The following NIPBL variants were observed in gnomAD, a reference collection of about 807,000 sequenced individuals.
The protein encoded by NIPBL is nipped-B-like protein.
A neutral mutation model predicts 321.8 loss-of-function variants in NIPBL; 19 were observed. The ratio of observed to expected loss-of-function variants is 0.06; its 90% CI spans 0.04 to 0.09. The LOEUF is 0.09. Ranked by LOEUF, NIPBL falls within the 10% of genes least tolerant of loss-of-function variation. The pLI, the probability that NIPBL is intolerant of heterozygous loss-of-function variation, is 1.00. For synonymous variants in NIPBL, 1,106 were observed against 1,114.1 expected, an observed-to-expected ratio of 0.99 and a Z score of 0.14; for missense variants, 2,210 against 3,327.0, an observed-to-expected ratio of 0.66 and a Z score of 8.26.
At position 36,985,504 on chromosome 5, in the gene NIPBL, A is replaced by G; in HGVS notation, c.2324A>G (p.Lys775Arg). The part of the protein sequence containing the change: ...RRDSGKPSTE[K>R]KPEVSKHKQD... The stretch of plus-strand genomic sequence containing the variant: ...GATTCTGGAAAGCCATCTACAGAGA[A>G]AAAACCTGAAGTGTCTAAACATAAA... Residue 775 changes from lysine (K) to arginine (R), a missense_variant, in exon 10 of 47, where the codon AAA (lysine) becomes AGA (arginine). This residue lies in a region of NIPBL where 588 missense variants were observed against 564.1 expected (regional missense o/e 1.04). Transcript: ENST00000282516. 2 of 1,613,698 alleles carry G rather than the reference A, an allele frequency of 1.2e-6. No individual in the cohort carries two copies.
chr5:36,949,536 A>G (rs541312138), intron 1 of NIPBL, among the ~76,000 whole-genome samples: 1 of 152,058 alleles, frequency 6.6e-6, no homozygotes, highest in South Asian at 2.1e-4. Flanking sequence ...GTAAGTGCTG[A>G]GCAAACATGA....
At chr5:36,987,744 T>C (rs1744992930) in intron 10 of NIPBL, among the ~76,000 whole-genome samples, 2 of 152,304 alleles carry the variant, frequency 1.3e-5, no homozygotes, top group South Asian at 2.1e-4. Flanking sequence ...TTTTAAATTA[T>C]GGCAATTAGA....
intron 6 of NIPBL, among the ~76,000 whole-genome samples, chr5:36,970,413 A>ATC (rs1742724580): frequency 6.9e-6 from 1 of 144,514 alleles, no homozygotes; most frequent in Non-Finnish European, 1.5e-5. Context: ...ATTTAAAACT[A>ATC]TATATATATA....
intron 1 of NIPBL, among the ~76,000 whole-genome samples, chr5:36,910,733 G>A (rs1448424066): frequency 1.3e-5 from 2 of 152,062 alleles, no homozygotes; most frequent in African/African-American, 4.8e-5. Flanking sequence ...GGAGATATAG[G>A]AGCTGATACT....
At chr5:37,044,831 G>T in intron 36 of NIPBL, 102 bp downstream of exon 36, 1 of 820,590 alleles carries the variant, frequency 1.2e-6, no homozygotes, top group Middle Eastern at 2.5e-4. Flanking sequence ...AGGAAATTAT[G>T]AGGTGTGATT....
At chr5:36,955,028 A>G (rs148854375) in intron 2 of NIPBL, 404 of 161,294 alleles carry the variant, frequency 2.5e-3, no homozygotes, top group African/African-American at 9.3e-3. Context: ...ATTTATTTGT[A>G]TATTCTTAAG....
intron 46 of NIPBL, 65 bp downstream of exon 46, chr5:37,064,043 T>A: frequency 6.3e-7 from 1 of 1,578,630 alleles, no homozygotes; most frequent in Non-Finnish European, 8.6e-7. Context: ...TATGTGCTTA[T>A]ATATGTCAGT....
chr5:37,010,464 C>T (rs1482643349), intron 21 of NIPBL, among the ~76,000 whole-genome samples: 1 of 152,110 alleles, frequency 6.6e-6, no homozygotes, highest in African/African-American at 2.4e-5. Context: ...TACAGGCACG[C>T]ACCACCACGC....
At chr5:36,882,433 A>G (rs570507967) in intron 1 of NIPBL, among the ~76,000 whole-genome samples, 5 of 152,074 alleles carry the variant, frequency 3.3e-5, no homozygotes, top group Non-Finnish European at 5.9e-5. Context: ...AAACTGAGAT[A>G]TAGAATGATT....
intron 34 of NIPBL, among the ~76,000 whole-genome samples, chr5:37,040,450 G>C: frequency 6.6e-6 from 1 of 151,928 alleles, no homozygotes; most frequent in Non-Finnish European, 1.5e-5. Context: ...ATGGTTGACC[G>C]GGTTTTGTAA....
At chr5:37,026,386 C>A in intron 31 of NIPBL, 59 bp downstream of exon 31, 2 of 915,310 alleles carry the variant, frequency 2.2e-6, no homozygotes, top group South Asian at 1.3e-5. Flanking sequence ...TTGAGGCCTA[C>A]ATGTCTTATG....
At position 36,962,190 on chromosome 5, in the gene NIPBL, A is replaced by G; in HGVS notation, c.526A>G (p.Ser176Gly). 6.2e-7 allele frequency: 1 copy of G among 1,614,110 alleles called. No homozygotes were observed. Among genetic ancestry groups the G allele is most frequent in the Non-Finnish European group, 8.5e-7 (1 of 1,179,968 alleles). Residue 176 changes from serine to glycine, a missense_variant, in exon 6 of 47, where the codon AGT becomes GGT. Coordinates refer to ENST00000282516, the MANE Select transcript of NIPBL (RefSeq NM_133433.4). The part of the protein sequence containing the change: ...FMPQQNSPVP[S>G]PYAPQSPAGY... ...GCCACAGCAAAATAGCCCAGTGCCT[A>G]GTCCATACGCCCCACAAAGCCCTGC...
chr5:36,997,230 T>C (rs992049978), intron 11 of NIPBL, among the ~76,000 whole-genome samples: 15 of 152,094 alleles, frequency 9.9e-5, no homozygotes, highest in Non-Finnish European at 1.6e-4. Flanking sequence ...AATAAACATA[T>C]CACCCATATC....
At chr5:37,021,668 G>A (rs1233956869) in intron 27 of NIPBL, among the ~76,000 whole-genome samples, 2 of 152,174 alleles carry the variant, frequency 1.3e-5, no homozygotes, top group Admixed American at 6.5e-5. Context: ...GCGACAGAGC[G>A]AGACTCCATC....
chr5:36,961,350 A>G lies in NIPBL; in HGVS notation c.359-134A>G, dbSNP rs922143201. 11 of 675,396 alleles carry G rather than the reference A, an allele frequency of 1.6e-5. No homozygotes were observed. The African/African-American group carries it at 1.8e-4, about 11-fold the overall frequency. The allele number at this position is 675,396 out of a possible 1,614,324, so 41.8% of individuals were successfully genotyped here. On this transcript the variant is annotated intron_variant, in intron 4 of 46. Transcript: ENST00000282516. The stretch of plus-strand genomic sequence containing the variant: ...AAATTTACAGTTTTACAGCGTCTAT[A>G]TTTTGCTCTTTGAAATGAAAACATT...
At chr5:37,042,098 C>T (rs1752449044) in intron 34 of NIPBL, among the ~76,000 whole-genome samples, 1 of 152,058 alleles carries the variant, frequency 6.6e-6, no homozygotes, top group Non-Finnish European at 1.5e-5. Flanking sequence ...CTCCTACAAG[C>T]CAAGTGGTGG....
intron 1 of NIPBL, chr5:36,885,107 ATAAGT>A (rs1745792776): frequency 3.1e-6 from 1 of 324,054 alleles, no homozygotes; most frequent in South Asian, 2.9e-5. Context: ...ATATAATCAG[ATAAGT>A]TAAATAATGA....
intron 1 of NIPBL, among the ~76,000 whole-genome samples, chr5:36,881,397 T>C (rs1248593512): frequency 2.0e-5 from 3 of 151,892 alleles, no homozygotes; most frequent in African/African-American, 7.2e-5. Flanking sequence ...CCCAAAGTTA[T>C]ATCATTAGGA....
chr5:36,886,149 T>C (rs921159175), intron 1 of NIPBL: 28 of 644,232 alleles, frequency 4.3e-5, no homozygotes, highest in Non-Finnish European at 7.4e-5. Flanking sequence ...ATAAGAAATC[T>C]GAAGGCCAGC....
Sources: gnomAD v4.1 joint callset for allele counts (sites outside exome capture counted in the v4.1 genomes callset) on GRCh38, gnomAD v4.1.1 for gene constraint, gnomAD v4.1.1 regional missense constraint, MANE v1.5 for transcripts, NCBI Gene and HGNC (gene_info 2026-07-23, HGNC 2026-07-21) for gene names.